AIDA: variants seen among roughly 807,000 people sequenced by gnomAD.
AIDA encodes axin interactor, dorsalization-associated protein.
Under a neutral mutation model 42.7 loss-of-function variants are expected in AIDA, and 18 were observed. The ratio of observed to expected loss-of-function variants is 0.42; its 90% CI spans 0.29 to 0.63. The LOEUF is 0.63. AIDA is among the 20% of genes least tolerant of loss of function. The pLI, the probability that AIDA is intolerant of heterozygous loss-of-function variation, is 0.19. For synonymous variants in AIDA, 104 were observed against 122.9 expected (o/e 0.85, Z 1.02); for missense variants, 250 against 354.1 (o/e 0.71, Z 2.36).
chr1:222,693,682 T>A (rs1655436229), intron 4 of AIDA, 107 bp downstream of exon 4: 1 of 925,968 alleles, frequency 1.1e-6, no homozygotes, highest in Admixed American at 2.3e-5. Flanking sequence ...TAGGACTAGA[T>A]ATTAACAGAA....
At chr1:222,695,206 T>C (rs909455361) in intron 2 of AIDA, among the ~76,000 whole-genome samples, 10 of 152,150 alleles carry the variant, frequency 6.6e-5, no homozygotes, top group African/African-American at 2.2e-4. Context: ...AAGAAGACCA[T>C]TGTGGCCGGG....
chr1:222,685,575 A>G (rs1039504331), intron 6 of AIDA, among the ~76,000 whole-genome samples: 1 of 152,208 alleles, frequency 6.6e-6, no homozygotes, highest in Admixed American at 6.5e-5. Flanking sequence ...ATGCATCACA[A>G]TATTATAGCA....
rs554658831 is a variant in AIDA, at chr1:222,674,429, T to C, written c.584-994A>G. Among the ~76,000 whole-genome samples the C allele has an allele frequency of 3.9e-5, 6 of 152,296 alleles. No individual in the cohort carries two copies. In the East Asian group the frequency reaches 1.2e-3, roughly 29 times the overall value. ...TTTTGTCTGCAATAAAAACTTAGAATGTAAATAATATGCCTCAATGGGACC... is the reference window on the plus strand; with the variant it reads ...TTTTGTCTGCAATAAAAACTTAGAACGTAAATAATATGCCTCAATGGGACC... On this transcript the variant is annotated intron_variant, in intron 7 of 9. Transcript: ENST00000340020.
intron 1 of AIDA, among the ~76,000 whole-genome samples, chr1:222,709,006 A>G (rs1186606761): frequency 6.6e-6 from 1 of 152,228 alleles, no homozygotes; most frequent in Non-Finnish European, 1.5e-5. Context: ...TACTCTGGAC[A>G]CTAAGTATAC....
At chr1:222,712,066 G>A (rs1044641580) in intron 1 of AIDA, 142 bp downstream of exon 1, 19 of 1,303,968 alleles carry the variant, frequency 1.5e-5, no homozygotes, top group Non-Finnish European at 1.8e-5. Flanking sequence ...GGCTGGTGGC[G>A]AGGGATCTCA....
At chr1:222,687,133 A>T (rs757207782) in intron 5 of AIDA, 97 bp from the exon 6 acceptor site, 4 of 1,519,778 alleles carry the variant, frequency 2.6e-6, no homozygotes, top group Non-Finnish European at 3.5e-6. Flanking sequence ...ATGCTGATAT[A>T]AAAAAATGCT....
chr1:222,702,128 A>T (rs1655726142), intron 2 of AIDA, among the ~76,000 whole-genome samples: 1 of 152,214 alleles, frequency 6.6e-6, no homozygotes, highest in Non-Finnish European at 1.5e-5. Flanking sequence ...TAAAATGCAA[A>T]TATACAAACT....
chr1:222,700,800 C>G (rs923315152), intron 2 of AIDA, among the ~76,000 whole-genome samples: 3 of 151,048 alleles, frequency 2.0e-5, no homozygotes, highest in Non-Finnish European at 4.4e-5. Context: ...CAAAGATAAG[C>G]TGAAAAAAGA....
At position 222,673,443 on chromosome 1, in the gene AIDA, GAA is replaced by G; in HGVS notation, c.584-10_584-9del. 1 of 1,553,774 alleles carries G rather than the reference GAA, an allele frequency of 6.4e-7. No individual in the cohort carries two copies. The highest frequency in any genetic ancestry group is 8.7e-7 in the Non-Finnish European group (1 of 1,151,750). The stretch of plus-strand genomic sequence containing the variant: ...AGTCTATGCCATTCAGATCTAAAGA[GAA>G]AAGAAGTTTCTCTTTAGGAACATTC... On this transcript the variant is annotated splice_polypyrimidine_tract_variant and intron_variant, in intron 7 of 9. Transcript: ENST00000340020.
At chr1:222,695,148 G>T (rs1285917633) in intron 2 of AIDA, among the ~76,000 whole-genome samples, 1 of 152,170 alleles carries the variant, frequency 6.6e-6, no homozygotes, top group Non-Finnish European at 1.5e-5. Flanking sequence ...ACACAGAAGG[G>T]ATTTTTTTGT....
chr1:222,693,703 T>G, intron 4 of AIDA, 86 bp downstream of exon 4: 1 of 1,162,474 alleles, frequency 8.6e-7, no homozygotes, highest in East Asian at 2.4e-5. Flanking sequence ...ATAAATCAAA[T>G]CATAATCTTT....
chr1:222,669,485 A>G lies in AIDA; in HGVS notation c.*408T>C, dbSNP rs1268905078. On this transcript the variant is annotated 3_prime_UTR_variant, in exon 10 of 10. Transcript: ENST00000340020. ...TCAACCCAAAGCTTGACGTTAAGTCAAAAGAGCATATTGGAGCAAAAGTGA... is the reference window on the plus strand; with the variant it reads ...TCAACCCAAAGCTTGACGTTAAGTCGAAAGAGCATATTGGAGCAAAAGTGA... 1.1e-5 allele frequency: 2 copies of G among 182,986 alleles called. No individual in the cohort carries two copies. Among genetic ancestry groups the G allele is most frequent in the East Asian group, 2.7e-4 (2 of 7,432 alleles). The allele number at this position is 182,986 out of a possible 1,614,324, so 11.3% of individuals were successfully genotyped here.
chr1:222,689,147 A>G (rs917268119), intron 4 of AIDA, among the ~76,000 whole-genome samples: 4 of 151,882 alleles, frequency 2.6e-5, no homozygotes, highest in Admixed American at 2.6e-4. Context: ...TAAAGAAAAA[A>G]TATTATTGTG....
At chr1:222,700,971 T>TGGG (rs769851386) in intron 2 of AIDA, among the ~76,000 whole-genome samples, 56 of 105,028 alleles carry the variant, frequency 5.3e-4, no homozygotes, top group African/African-American at 1.6e-3. Context: ...TGATTTTTTT[T>TGGG]GGGGGGGGGG....
At chr1:222,684,224 G>A (rs1664702214) in intron 6 of AIDA, among the ~76,000 whole-genome samples, 1 of 151,866 alleles carries the variant, frequency 6.6e-6, no homozygotes, top group Non-Finnish European at 1.5e-5. Flanking sequence ...CAATTCTCCT[G>A]CCTCAGCTTC....
rs1384624691 is a variant in AIDA at position 222,687,017 on chromosome 1, C to T, written c.373G>A (p.Glu125Lys). Reference sequence around the variant, plus strand: ...TCTTCAAATTCCAAATTCTCTTCTTCACCAGGTGCCAAAATTCTTCTACAC... The same window carrying T: ...TCTTCAAATTCCAAATTCTCTTCTTTACCAGGTGCCAAAATTCTTCTACAC... ...VPLRRILAPGEEENLEFEEDE... is the reference protein window; with the variant it reads ...VPLRRILAPGKEENLEFEEDE... Residue 125 changes from glutamate to lysine, a missense_variant, in exon 6 of 10, where the codon GAA becomes AAA. Glu to Lys is a moderately conservative substitution (Grantham distance 56). Coordinates refer to ENST00000340020, the MANE Select transcript of AIDA (RefSeq NM_022831.4). 1 of 1,613,458 alleles carries T rather than the reference C, an allele frequency of 6.2e-7. No individual in the cohort carries two copies. Among genetic ancestry groups the T allele is most frequent in the African/African-American group, 1.3e-5 (1 of 75,022 alleles).
chr1:222,691,249 G>C (rs192555359), intron 4 of AIDA, among the ~76,000 whole-genome samples: 1 of 152,298 alleles, frequency 6.6e-6, no homozygotes, highest in East Asian at 1.9e-4. Flanking sequence ...GCAGAAACTA[G>C]TCAGGCTTAT....
chr1:222,697,067 C>T (rs1290673668), intron 2 of AIDA, among the ~76,000 whole-genome samples: 1 of 151,958 alleles, frequency 6.6e-6, no homozygotes, highest in Admixed American at 6.6e-5. Context: ...CTCAGCCTCT[C>T]GAGTAGCTGG....
chr1:222,690,371 A>G (rs539898486), intron 4 of AIDA, among the ~76,000 whole-genome samples: 44 of 152,342 alleles, frequency 2.9e-4, no homozygotes, highest in Non-Finnish European at 4.6e-4. Flanking sequence ...GAGGCATCTT[A>G]CAATTCTAGC....
Sources: allele counts gnomAD v4.1 joint callset (sites outside exome capture counted in the v4.1 genomes callset), GRCh38; gene constraint gnomAD v4.1.1; transcripts MANE v1.5; gene names NCBI Gene and HGNC (gene_info 2026-07-23, HGNC 2026-07-21).